DOCK2: variants seen among roughly 807,000 people sequenced by gnomAD.
The protein encoded by DOCK2 is dedicator of cytokinesis protein 2.
Under a neutral mutation model 248.9 loss-of-function variants are expected in DOCK2, and 87 were observed. That is an observed-to-expected ratio of 0.35 (90% confidence interval 0.29 to 0.42). The LOEUF (loss-of-function observed/expected upper bound fraction) is 0.42, where lower values mean the gene tolerates loss of function less well. DOCK2 is among the 10% of genes least tolerant of loss of function. The pLI, the probability that DOCK2 is intolerant of heterozygous loss-of-function variation, is 1.00. For synonymous variants in DOCK2, 805 were observed against 821.6 expected, an observed-to-expected ratio of 0.98 and a Z score of 0.35; for missense variants, 1,747 against 2,300.2, an observed-to-expected ratio of 0.76 and a Z score of 4.92.
intron 8 of DOCK2, among the ~76,000 whole-genome samples, chr5:169,684,949 A>G (rs1399405924): frequency 6.6e-6 from 1 of 152,196 alleles, no homozygotes; most frequent in Admixed American, 6.5e-5. Flanking sequence ...GCTACCTGCC[A>G]ATATCTACTT....
intron 27 of DOCK2, among the ~76,000 whole-genome samples, chr5:169,961,693 C>T (rs1020047553): frequency 1.2e-4 from 18 of 151,994 alleles, no homozygotes; most frequent in Non-Finnish European, 2.4e-4. Flanking sequence ...AGAATAGAAG[C>T]CAGGCCGGGT....
chr5:169,832,786 G>A (rs980397341), intron 26 of DOCK2, among the ~76,000 whole-genome samples: 4 of 151,942 alleles, frequency 2.6e-5, no homozygotes, highest in Non-Finnish European at 5.9e-5. Context: ...ACACAGAATG[G>A]ACAAAACAGT....
intron 46 of DOCK2, among the ~76,000 whole-genome samples, chr5:170,072,410 A>G (rs1306746605): frequency 3.9e-5 from 6 of 152,208 alleles, no homozygotes; most frequent in Admixed American, 2.6e-4. Flanking sequence ...TAAATTACCA[A>G]TAATATATCA....
intron 25 of DOCK2, among the ~76,000 whole-genome samples, chr5:169,768,356 C>T (rs1327759708): frequency 2.0e-5 from 3 of 152,250 alleles, no homozygotes; most frequent in African/African-American, 7.2e-5. Flanking sequence ...ATTTGAATAA[C>T]AGAACCCACC....
intron 23 of DOCK2, among the ~76,000 whole-genome samples, chr5:169,758,822 A>T (rs10078606): frequency 0.014 from 2,190 of 152,364 alleles, 63 homozygotes; most frequent in African/African-American, 0.05. Flanking sequence ...TCAGTTGTAT[A>T]TGGCTAGGAG....
intron 27 of DOCK2, among the ~76,000 whole-genome samples, chr5:169,847,902 GC>G (rs1361566011): frequency 2.0e-5 from 3 of 152,172 alleles, no homozygotes; most frequent in African/African-American, 7.2e-5. Context: ...TGTTTTTCTG[GC>G]CCAGTCCAAA....
intron 27 of DOCK2, among the ~76,000 whole-genome samples, chr5:169,857,261 T>C (rs1770941364): frequency 6.6e-6 from 1 of 152,244 alleles, no homozygotes; most frequent in African/African-American, 2.4e-5. Flanking sequence ...CTCTTTGATA[T>C]GGTAAGGCAG....
In DOCK2 at chr5:169,985,732, C is replaced by T. The variant is rs546350121; in HGVS notation, c.2899-96C>T. The T allele has an allele frequency of 6.1e-5, 55 of 903,036 alleles. No individual in the cohort carries two copies. The African/African-American group carries it at 8.3e-4, about 14-fold the overall frequency. 55.9% of individuals were successfully genotyped at this position (903,036 alleles called of 1,614,324 possible). On this transcript the variant is annotated intron_variant, in intron 28 of 51. Coordinates refer to ENST00000520908, the MANE Select transcript of DOCK2 (RefSeq NM_004946.3). ...AAGGCTGTGTCCCTTCCCTTTTCCT[C>T]CCTCCAAAATATAATAGCAAAAAAA...
At chr5:170,075,282 C>T (rs143508663) in intron 46 of DOCK2, among the ~76,000 whole-genome samples, 1 of 152,320 alleles carries the variant, frequency 6.6e-6, no homozygotes, top group African/African-American at 2.4e-5. Context: ...GACACTTAGA[C>T]AGTATCCACT....
chr5:169,948,613 ATT>A (rs772095719), intron 27 of DOCK2, among the ~76,000 whole-genome samples: 32 of 135,820 alleles, frequency 2.4e-4, no homozygotes, highest in Non-Finnish European at 2.3e-4. Flanking sequence ...TCCACAATTA[ATT>A]TTTTTTTTTT....
chr5:169,895,746 A>G (rs569025064), intron 27 of DOCK2, among the ~76,000 whole-genome samples: 9 of 152,034 alleles, frequency 5.9e-5, no homozygotes, highest in African/African-American at 1.9e-4. Flanking sequence ...ATGCACTTAC[A>G]CCTAAACTTG....
At chr5:169,877,723 A>G (rs1372437462) in intron 27 of DOCK2, among the ~76,000 whole-genome samples, 1 of 152,228 alleles carries the variant, frequency 6.6e-6, no homozygotes, top group Non-Finnish European at 1.5e-5. Context: ...TGCCACAGAA[A>G]TAAAGTCCAT....
intron 25 of DOCK2, among the ~76,000 whole-genome samples, chr5:169,765,822 G>A (rs12153495): frequency 0.13 from 19,214 of 152,134 alleles, 1,479 homozygotes; most frequent in Non-Finnish European, 0.18. Context: ...TTATTGAGAA[G>A]CTGTTTTTTG....
At chr5:169,860,769 G>A (rs1008451007) in intron 27 of DOCK2, among the ~76,000 whole-genome samples, 1 of 152,288 alleles carries the variant, frequency 6.6e-6, no homozygotes, top group Admixed American at 6.5e-5. Context: ...AGTAGAAAAT[G>A]GGCTTGGTGT....
intron 27 of DOCK2, among the ~76,000 whole-genome samples, chr5:169,975,791 T>C (rs1160389586): frequency 6.6e-6 from 1 of 152,252 alleles, no homozygotes; most frequent in African/African-American, 2.4e-5. Context: ...CCTCTGTTCC[T>C]GGCTCTTCCC....
At chr5:170,010,464 A>G (rs1193842287) in intron 32 of DOCK2, among the ~76,000 whole-genome samples, 1 of 152,182 alleles carries the variant, frequency 6.6e-6, no homozygotes, top group Non-Finnish European at 1.5e-5. Context: ...GGTCAGGAAG[A>G]TGAGAAGGAG....
In DOCK2 at chr5:170,056,771, G is replaced by A; in HGVS notation, c.4380+3G>A. The A allele has an allele frequency of 1.1e-5, 17 of 1,613,242 alleles. No individual in the cohort carries two copies. The highest frequency in any genetic ancestry group is 1.4e-5 in the Non-Finnish European group (16 of 1,179,546). On this transcript the variant is annotated splice_donor_region_variant and intron_variant, in intron 43 of 51. Transcript: ENST00000520908. ...TAGACCCAGAGAATGAGTTTGCTGT[G>A]AGTATCTTCCCTACCCTTGATCATT...
chr5:169,984,002 A>G (rs1778002644), intron 28 of DOCK2, among the ~76,000 whole-genome samples: 1 of 152,046 alleles, frequency 6.6e-6, no homozygotes, highest in Non-Finnish European at 1.5e-5. Flanking sequence ...GAAAAACTGG[A>G]CTCCTAATTT....
At chr5:169,905,747 C>G (rs1025792084) in intron 27 of DOCK2, among the ~76,000 whole-genome samples, 1 of 152,186 alleles carries the variant, frequency 6.6e-6, no homozygotes, top group Non-Finnish European at 1.5e-5. Flanking sequence ...GAACTGCAAA[C>G]CACCCAGGTG....
Sources: gnomAD v4.1 joint callset for allele counts (sites outside exome capture counted in the v4.1 genomes callset) on GRCh38, gnomAD v4.1.1 for gene constraint, MANE v1.5 for transcripts, NCBI Gene and HGNC (gene_info 2026-07-23, HGNC 2026-07-21) for gene names.